The following RGS6 variants were observed in gnomAD, a reference collection of about 807,000 sequenced individuals.
RGS6 encodes the protein regulator of G-protein signaling 6.
A neutral mutation model predicts 78.5 loss-of-function variants in RGS6; 30 were observed. That is an observed-to-expected ratio of 0.38 (90% CI 0.29 to 0.52). The LOEUF (loss-of-function observed/expected upper bound fraction) is 0.52, where lower values mean the gene tolerates loss of function less well. Among genes scored for constraint, RGS6 ranks in the 20% least tolerant of loss-of-function variants. RGS6 has a pLI of 0.85. For missense variants in RGS6, 495 were observed against 609.7 expected (o/e 0.81, Z 1.98); for synonymous variants, 206 against 206.0 (o/e 1.00, Z 0.00).
chr14:72,543,672 C>T (rs1229288608), intron 17 of RGS6, among the ~76,000 whole-genome samples: 1 of 152,192 alleles, frequency 6.6e-6, no homozygotes, highest in Non-Finnish European at 1.5e-5. Flanking sequence ...CCACTCTCTG[C>T]TATCTTCCTG....
intron 3 of RGS6, among the ~76,000 whole-genome samples, chr14:72,429,291 G>A (rs989447873): frequency 1.3e-5 from 2 of 152,228 alleles, no homozygotes; most frequent in Non-Finnish European, 2.9e-5. Context: ...CTTCCATCCT[G>A]CATGGCTAGG....
intron 2 of RGS6, among the ~76,000 whole-genome samples, chr14:72,307,921 C>G (rs2067631287): frequency 6.6e-6 from 1 of 152,150 alleles, no homozygotes; most frequent in Non-Finnish European, 1.5e-5. Context: ...TTATATAGCT[C>G]TTCCACATGT....
chr14:72,134,837 T>G (rs1218389484), intron 2 of RGS6, among the ~76,000 whole-genome samples: 1 of 151,786 alleles, frequency 6.6e-6, no homozygotes, highest in African/African-American at 2.4e-5. Flanking sequence ...AGAGAGAGAG[T>G]GAATTCCCCC....
chr14:72,037,258 C>T (rs1596409606), intron 2 of RGS6, among the ~76,000 whole-genome samples: 1 of 152,206 alleles, frequency 6.6e-6, no homozygotes, highest in African/African-American at 2.4e-5. Context: ...CAGCAGCAAC[C>T]TGCTCGGGTC....
At chr14:72,358,070 C>T (rs367754305) in intron 3 of RGS6, among the ~76,000 whole-genome samples, 1 of 152,206 alleles carries the variant, frequency 6.6e-6, no homozygotes. Context: ...TGCAAGCCTC[C>T]AGCCTTGGCA....
chr14:72,165,427 G>C (rs9323565), intron 2 of RGS6, among the ~76,000 whole-genome samples: 53,494 of 152,056 alleles, frequency 0.35, 9,589 homozygotes, highest in East Asian at 0.43. Flanking sequence ...ATAATGAGCA[G>C]CGTGTTCTCC....
At chr14:72,559,795 C>T (rs1405509799) in intron 17 of RGS6, among the ~76,000 whole-genome samples, 3 of 152,156 alleles carry the variant, frequency 2.0e-5, no homozygotes, top group Non-Finnish European at 4.4e-5. Flanking sequence ...GGCTGAGCTC[C>T]AGGATTTAGT....
In RGS6 at chr14:72,181,036, T is replaced by A. The variant is rs556094257; in HGVS notation, c.85-171059T>A. Among the ~76,000 whole-genome samples, 3 of 152,336 alleles carry A rather than the reference T, an allele frequency of 2.0e-5. No homozygotes were observed. In the South Asian group the frequency reaches 6.2e-4, roughly 32 times the overall value. On this transcript the variant is annotated intron_variant, in intron 2 of 17. Coordinates refer to ENST00000553525, the MANE Select transcript of RGS6 (RefSeq NM_001204424.2). The stretch of plus-strand genomic sequence containing the variant: ...CTCTCCTTCTATTTGTATTCAGGTT[T>A]TCTCTTAATTCTGGAAAGTTTGGGC...
rs1463861740 is a variant in RGS6 at position 72,541,660 on chromosome 14, G to T, written c.1422+1566G>T. 2.6e-6 allele frequency: 4 copies of T among 1,528,668 alleles called. No homozygotes were observed. The African/African-American group carries it at 4.1e-5, about 16-fold the overall frequency. The allele number at this position is 1,528,668 out of a possible 1,614,324, so 94.7% of individuals were successfully genotyped here. On this transcript the variant is annotated intron_variant, in intron 17 of 17. Transcript: ENST00000553525. Reference sequence around the variant, plus strand: ...TCTCTCTCTGTTTGTCTCTTTTGAGGACTGGCTACTGTGCGGGTGGAGGAT... The same window carrying T: ...TCTCTCTCTGTTTGTCTCTTTTGAGTACTGGCTACTGTGCGGGTGGAGGAT...
chr14:72,612,991 G>GGTGTGTGT, the RGS6 span, among the ~76,000 whole-genome samples: 33 of 71,078 alleles, frequency 4.6e-4, no homozygotes, highest in Non-Finnish European at 5.3e-4. Context: ...CATTAAGTAG[G>GGTGTGTGT]GCGTGTGTGT....
intron 2 of RGS6, among the ~76,000 whole-genome samples, chr14:72,187,972 G>C (rs2097270171): frequency 6.6e-6 from 1 of 151,942 alleles, no homozygotes; most frequent in South Asian, 2.1e-4. Flanking sequence ...CCCTCATACT[G>C]TAAACAACTC....
chr14:71,906,276 G>A, the RGS6 span, among the ~76,000 whole-genome samples: 1 of 152,224 alleles, frequency 6.6e-6, no homozygotes, highest in East Asian at 1.9e-4. Context: ...ACCAGCTGCT[G>A]AATGCTGTCC....
intron 2 of RGS6, among the ~76,000 whole-genome samples, chr14:72,167,621 C>G (rs916066475): frequency 5.3e-5 from 8 of 152,132 alleles, no homozygotes; most frequent in African/African-American, 1.7e-4. Flanking sequence ...TTTTGATCTT[C>G]TTATTTTACC....
At position 72,151,506 on chromosome 14, in the gene RGS6, C is replaced by T. The variant is rs914782451; in HGVS notation, c.84+186631C>T. Among the ~76,000 whole-genome samples, 11 of 152,282 alleles carry T rather than the reference C, an allele frequency of 7.2e-5. No homozygotes were observed. The East Asian group carries it at 2.1e-3, about 29-fold the overall frequency. ...ATTTTAATTGCCTTCGAGAGATGCACTTCACGTGAAGACTAGCATGGGGGA... is the reference window on the plus strand; with the variant it reads ...ATTTTAATTGCCTTCGAGAGATGCATTTCACGTGAAGACTAGCATGGGGGA... On this transcript the variant is annotated intron_variant, in intron 2 of 17. Coordinates refer to ENST00000553525, the MANE Select transcript of RGS6 (RefSeq NM_001204424.2).
the RGS6 span, among the ~76,000 whole-genome samples, chr14:72,600,917 G>C: frequency 6.6e-6 from 1 of 151,964 alleles, no homozygotes; most frequent in African/African-American, 2.4e-5. Context: ...TCCCCTGGCT[G>C]CTGCAGCTGC....
intron 2 of RGS6, among the ~76,000 whole-genome samples, chr14:72,082,640 T>G: frequency 6.6e-6 from 1 of 152,100 alleles, no homozygotes; most frequent in East Asian, 1.9e-4. Flanking sequence ...CATACATATA[T>G]ATAGTTAGTT....
At chr14:72,383,173 T>C (rs2086669690) in intron 3 of RGS6, among the ~76,000 whole-genome samples, 1 of 102,524 alleles carries the variant, frequency 9.8e-6, no homozygotes, top group South Asian at 3.6e-4. Flanking sequence ...ATGAAAAAAT[T>C]GTACATATAT....
chr14:72,167,845 G>A (rs1299131227), intron 2 of RGS6, among the ~76,000 whole-genome samples: 1 of 152,084 alleles, frequency 6.6e-6, no homozygotes, highest in Non-Finnish European at 1.5e-5. Context: ...GGTGAGAGTT[G>A]GAATAATGAG....
At chr14:72,144,108 A>G (rs1480631255) in intron 2 of RGS6, among the ~76,000 whole-genome samples, 1 of 152,208 alleles carries the variant, frequency 6.6e-6, no homozygotes, top group African/African-American at 2.4e-5. Flanking sequence ...TCATTTAACC[A>G]TTATGTGTCT....
Sources: allele counts gnomAD v4.1 joint callset (sites outside exome capture counted in the v4.1 genomes callset), GRCh38; gene constraint gnomAD v4.1.1; transcripts MANE v1.5; gene names NCBI Gene and HGNC (gene_info 2026-07-23, HGNC 2026-07-21).